Variants in SHISA9 observed in about 807,000 individuals in gnomAD.
The protein encoded by SHISA9 is protein shisa-9.
SHISA9 carries 13 observed loss-of-function variants against 38.0 expected under a neutral mutation model. The observed-to-expected ratio is 0.34, with a 90% CI of 0.22 to 0.54. SHISA9 has a LOEUF of 0.54. Among genes scored for constraint, SHISA9 ranks in the 20% least tolerant of loss-of-function variants. The probability of loss-of-function intolerance (pLI) is 0.91; values close to 1 mark genes in which losing one functional copy is unlikely to be tolerated. For missense variants in SHISA9, 538 were observed against 575.8 expected, an observed-to-expected ratio of 0.93 and a Z score of 0.67; for synonymous variants, 275 against 242.0, an observed-to-expected ratio of 1.14 and a Z score of -1.27.
chr16:12,978,587 AAAGTAATCTGCTTATT>A (rs1332907292), intron 2 of SHISA9, among the ~76,000 whole-genome samples: 2 of 152,226 alleles, frequency 1.3e-5, no homozygotes, highest in Non-Finnish European at 2.9e-5. Flanking sequence ...ATTTGCTTCC[AAAGTAATCTGCTTATT>A]ATTAATGTGA....
the SHISA9 span, among the ~76,000 whole-genome samples, chr16:13,522,172 T>C: frequency 2.0e-5 from 3 of 152,230 alleles, no homozygotes; most frequent in Admixed American, 6.5e-5. Context: ...GAGGGCTGCA[T>C]TGGTATCTGT....
chr16:13,191,529 C>T (rs1484240920), intron 2 of SHISA9, among the ~76,000 whole-genome samples: 3 of 152,322 alleles, frequency 2.0e-5, no homozygotes, highest in Admixed American at 6.5e-5. Flanking sequence ...GTATTTGAAC[C>T]TCACAGTGAC....
chr16:13,173,061 A>G (rs771982574), intron 2 of SHISA9, among the ~76,000 whole-genome samples: 5 of 152,136 alleles, frequency 3.3e-5, no homozygotes, highest in African/African-American at 7.2e-5. Flanking sequence ...TCAAATGGAA[A>G]AAGGAGTTTG....
At chr16:13,376,382 G>A in the SHISA9 span, among the ~76,000 whole-genome samples, 1 of 152,184 alleles carries the variant, frequency 6.6e-6, no homozygotes, top group South Asian at 2.1e-4. Context: ...CAGAAAGTGT[G>A]AAGATGATGT....
At chr16:13,501,920 T>G in the SHISA9 span, among the ~76,000 whole-genome samples, 1 of 151,654 alleles carries the variant, frequency 6.6e-6, no homozygotes, top group Non-Finnish European at 1.5e-5. Flanking sequence ...GAGAATCACT[T>G]GAACCCAGGA....
intron 2 of SHISA9, among the ~76,000 whole-genome samples, chr16:12,988,060 G>A (rs1211976185): frequency 6.6e-6 from 1 of 152,162 alleles, no homozygotes; most frequent in Non-Finnish European, 1.5e-5. Flanking sequence ...GGACAAGACA[G>A]CAAGACCCTG....
intron 2 of SHISA9, among the ~76,000 whole-genome samples, chr16:13,027,300 A>G (rs928986514): frequency 2.0e-5 from 3 of 152,194 alleles, no homozygotes; most frequent in Non-Finnish European, 4.4e-5. Context: ...AGCAACTAAT[A>G]ATATTTATTG....
the SHISA9 span, among the ~76,000 whole-genome samples, chr16:13,255,042 C>T: frequency 1.3e-5 from 2 of 152,156 alleles, no homozygotes; most frequent in African/African-American, 2.4e-5. Context: ...CTTTGCTCCT[C>T]TATCTAATAA....
At position 12,908,643 on chromosome 16, in the gene SHISA9, G is replaced by C. The variant is rs78138925; in HGVS notation, c.563+6016G>C. On this transcript the variant is annotated intron_variant, in intron 1 of 4. Transcript: ENST00000558583. ...TGAGTGCAAACCTGCAGGAATTCCAGACTTCTCAGATCACAGAGAAGTACG... is the reference window on the plus strand; with the variant it reads ...TGAGTGCAAACCTGCAGGAATTCCACACTTCTCAGATCACAGAGAAGTACG... 583 of 1,549,626 alleles carry C rather than the reference G, an allele frequency of 3.8e-4. 6 individuals are homozygous for C. The East Asian group carries it at 0.013, about 35-fold the overall frequency.
chr16:12,921,681 G>A (rs555719692), intron 2 of SHISA9, among the ~76,000 whole-genome samples: 1 of 152,246 alleles, frequency 6.6e-6, no homozygotes, highest in East Asian at 1.9e-4. Context: ...TGAGGTGGGA[G>A]ACTGAACCCA....
At chr16:13,085,058 G>T (rs190799505) in intron 2 of SHISA9, among the ~76,000 whole-genome samples, 107 of 152,278 alleles carry the variant, frequency 7.0e-4, no homozygotes, top group Admixed American at 1.0e-3. Context: ...GTGTGTGTTT[G>T]TGGGGCAGGT....
chr16:13,345,726 A>T, the SHISA9 span, among the ~76,000 whole-genome samples: 3 of 152,142 alleles, frequency 2.0e-5, no homozygotes, highest in Non-Finnish European at 4.4e-5. Context: ...AACAGTGTAT[A>T]AGTGTTTCTT....
At chr16:13,261,015 G>T in the SHISA9 span, among the ~76,000 whole-genome samples, 1 of 152,098 alleles carries the variant, frequency 6.6e-6, no homozygotes. Context: ...ATCAGATCTC[G>T]TGAAACTTAT....
intron 2 of SHISA9, among the ~76,000 whole-genome samples, chr16:12,996,077 A>T (rs748665827): frequency 6.6e-6 from 1 of 152,206 alleles, no homozygotes; most frequent in Non-Finnish European, 1.5e-5. Flanking sequence ...CAAAGGGGTG[A>T]TGTACACGTG....
intron 2 of SHISA9, among the ~76,000 whole-genome samples, chr16:13,155,540 C>T (rs1201984682): frequency 6.6e-6 from 1 of 152,116 alleles, no homozygotes; most frequent in East Asian, 1.9e-4. Flanking sequence ...CCAGACTGCT[C>T]TGCAGGGGAT....
At chr16:12,925,473 G>GTGTA (rs113968316) in intron 2 of SHISA9, among the ~76,000 whole-genome samples, 34,606 of 150,490 alleles carry the variant, frequency 0.23, 4,330 homozygotes, top group African/African-American at 0.31. Flanking sequence ...GTGTGTGTGT[G>GTGTA]CAAGCAACAG....
chr16:13,309,993 T>G, the SHISA9 span, among the ~76,000 whole-genome samples: 7 of 152,292 alleles, frequency 4.6e-5, no homozygotes, highest in African/African-American at 1.7e-4. Flanking sequence ...GTTCAAGTGA[T>G]TCTCCTGCCT....
the SHISA9 span, chr16:13,458,491 G>C: frequency 5.1e-6 from 2 of 395,216 alleles, no homozygotes; most frequent in Non-Finnish European, 9.9e-6. Flanking sequence ...GCTAGAAATT[G>C]GTAATCTAGA....
At chr16:13,170,202 C>CAAAAAAA (rs71147788) in intron 2 of SHISA9, among the ~76,000 whole-genome samples, 2 of 91,988 alleles carry the variant, frequency 2.2e-5, no homozygotes, top group African/African-American at 4.5e-5. Flanking sequence ...GACTCCATCT[C>CAAAAAAA]AAAAAAAAAA....
Sources: gnomAD v4.1 joint callset for allele counts (sites outside exome capture counted in the v4.1 genomes callset) on GRCh38, gnomAD v4.1.1 for gene constraint, MANE v1.5 for transcripts, NCBI Gene and HGNC (gene_info 2026-07-23, HGNC 2026-07-21) for gene names.